Variants in PARD3 observed in about 807,000 individuals in gnomAD.
PARD3 encodes the protein partitioning defective 3 homolog.
A neutral mutation model predicts 155.4 loss-of-function variants in PARD3; 75 were observed. That is an observed-to-expected ratio of 0.48 (90% confidence interval 0.40 to 0.58). The LOEUF is 0.58. Among genes scored for constraint, PARD3 ranks in the 20% least tolerant of loss-of-function variants. The pLI, the probability that PARD3 is intolerant of heterozygous loss-of-function variation, is 0.00. For missense variants in PARD3, 1,642 were observed against 1,721.7 expected (o/e 0.95, Z 0.82); for synonymous variants, 576 against 610.5 (o/e 0.94, Z 0.83).
intron 1 of PARD3, among the ~76,000 whole-genome samples, chr10:34,798,683 G>A (rs1462652167): frequency 1.4e-5 from 2 of 143,434 alleles, no homozygotes; most frequent in Non-Finnish European, 3.0e-5. Context: ...CCAGACTGGG[G>A]AACAGAGTGA....
chr10:34,270,799 G>C (rs1955577343), intron 21 of PARD3, among the ~76,000 whole-genome samples: 1 of 152,138 alleles, frequency 6.6e-6, no homozygotes, highest in South Asian at 2.1e-4. Flanking sequence ...TAGAAGGCAT[G>C]TATCCAATCA....
At chr10:34,284,371 G>A (rs1589050423) in intron 20 of PARD3, 126 bp from the exon 21 acceptor site, 3 of 568,972 alleles carry the variant, frequency 5.3e-6, no homozygotes, top group East Asian at 6.2e-5. Flanking sequence ...GGTGTCTTCT[G>A]CAGTCAGTAG....
chr10:34,376,149 C>A (rs1841213090), intron 10 of PARD3, among the ~76,000 whole-genome samples: 1 of 152,014 alleles, frequency 6.6e-6, no homozygotes, highest in African/African-American at 2.4e-5. Context: ...ACGTAAGTAT[C>A]AATATTGTAT....
chr10:34,378,638 G>A (rs1000978391), intron 9 of PARD3, among the ~76,000 whole-genome samples: 10 of 152,136 alleles, frequency 6.6e-5, no homozygotes, highest in African/African-American at 2.2e-4. Context: ...AGTTTACTAA[G>A]AGGATAAACC....
chr10:34,762,431 C>G lies in PARD3; in HGVS notation c.120+52445G>C, dbSNP rs1590997389. 3.3e-5 allele frequency among the ~76,000 whole-genome samples: 5 copies of G among 150,972 alleles called. 1 individual carries two copies. The highest frequency in any genetic ancestry group is 1.2e-4 in the African/African-American group (5 of 41,046). On this transcript the variant is annotated intron_variant, in intron 1 of 24. Transcript: ENST00000374788. ...ACCTCAGCCTTCCTCCCATCCCAGCCTTCAGCTGGGAACACAGACACATGC... is the reference window on the plus strand; with the variant it reads ...ACCTCAGCCTTCCTCCCATCCCAGCGTTCAGCTGGGAACACAGACACATGC...
At chr10:34,244,732 G>C (rs1953832623) in intron 22 of PARD3, among the ~76,000 whole-genome samples, 1 of 152,064 alleles carries the variant, frequency 6.6e-6, no homozygotes, top group African/African-American at 2.4e-5. Flanking sequence ...GCTATATAAA[G>C]GAATCTTCTT....
intron 5 of PARD3, among the ~76,000 whole-genome samples, chr10:34,435,658 G>GAAGACCACATTCATTCACAA (rs2076150975): frequency 6.6e-6 from 1 of 152,180 alleles, no homozygotes; most frequent in South Asian, 2.1e-4. Context: ...CGTTTGGCAA[G>GAAGACCACATTCATTCACAA]AAGACCACAT....
intron 14 of PARD3, among the ~76,000 whole-genome samples, chr10:34,358,699 AAAAG>A (rs1023309688): frequency 1.3e-5 from 2 of 152,216 alleles, no homozygotes; most frequent in African/African-American, 4.8e-5. Context: ...TCTCAAATAA[AAAAG>A]AAAGGACAGG....
chr10:34,427,930 C>A (rs2075705192), intron 5 of PARD3, among the ~76,000 whole-genome samples: 1 of 152,092 alleles, frequency 6.6e-6, no homozygotes, highest in Admixed American at 6.6e-5. Flanking sequence ...CACACCATAT[C>A]ACCATGTAGA....
At chr10:34,551,808 T>C (rs754734269) in intron 2 of PARD3, among the ~76,000 whole-genome samples, 13 of 152,108 alleles carry the variant, frequency 8.5e-5, no homozygotes, top group South Asian at 2.1e-4. Context: ...AAGCAGAGCA[T>C]TGGATGACAC....
intron 21 of PARD3, among the ~76,000 whole-genome samples, chr10:34,278,667 T>C (rs1428098434): frequency 1.3e-5 from 2 of 152,146 alleles, no homozygotes; most frequent in East Asian, 1.9e-4. Flanking sequence ...AAGGACGTGT[T>C]TGCTTCCCAT....
Position 34,148,558 on chromosome 10 carries a change from A to G in PARD3, c.3420-16975T>C, listed in dbSNP as rs142323741. On this transcript the variant is annotated intron_variant, in intron 22 of 24. Transcript: ENST00000374788. ...ACGTTATTTTGTTTTGACATTAAAA[A>G]TGCCATCTCTGTGGTCTCAGTGCAA... Among the ~76,000 whole-genome samples the G allele has an allele frequency of 2.8e-4, 42 of 152,278 alleles. 2 individuals carry two copies. The East Asian group carries it at 7.7e-3, about 28-fold the overall frequency.
intron 22 of PARD3, among the ~76,000 whole-genome samples, chr10:34,147,043 A>G (rs1948544023): frequency 6.6e-6 from 1 of 152,168 alleles, no homozygotes; most frequent in Non-Finnish European, 1.5e-5. Flanking sequence ...CCTTCTAGAA[A>G]GTAATAAAGG....
At chr10:34,508,262 T>A (rs562681938) in intron 3 of PARD3, among the ~76,000 whole-genome samples, 1 of 152,138 alleles carries the variant, frequency 6.6e-6, no homozygotes, top group South Asian at 2.1e-4. Context: ...ACATAGCTAA[T>A]AAAAAGTTAA....
At chr10:34,475,840 T>C (rs773996) in intron 3 of PARD3, among the ~76,000 whole-genome samples, 78,308 of 151,984 alleles carry the variant, frequency 0.52, 23,786 homozygotes, top group African/African-American at 0.86. Context: ...TGCCTTACAG[T>C]GACAGGCTTG....
intron 5 of PARD3, among the ~76,000 whole-genome samples, chr10:34,413,138 T>TACACACACACAC (rs879785568): frequency 4.3e-4 from 40 of 93,604 alleles, no homozygotes; most frequent in Admixed American, 1.3e-3. Context: ...GTACTTCAGA[T>TACACACACACAC]ATATATACAC....
At chr10:34,465,550 G>C (rs1219888069) in intron 4 of PARD3, among the ~76,000 whole-genome samples, 1 of 152,150 alleles carries the variant, frequency 6.6e-6, no homozygotes, top group East Asian at 1.9e-4. Context: ...CAAGGGGTAA[G>C]AAACATTGCA....
intron 1 of PARD3, among the ~76,000 whole-genome samples, chr10:34,717,089 A>T (rs1006569486): frequency 3.3e-5 from 5 of 152,184 alleles, no homozygotes; most frequent in Admixed American, 6.5e-5. Context: ...AGACATACAG[A>T]TAAATTGTGT....
intron 22 of PARD3, among the ~76,000 whole-genome samples, chr10:34,187,329 T>C (rs572188228): frequency 6.6e-6 from 1 of 152,152 alleles, no homozygotes; most frequent in South Asian, 2.1e-4. Context: ...CATTTAAAAT[T>C]TCCATCTGTT....
Sources: allele counts gnomAD v4.1 joint callset (sites outside exome capture counted in the v4.1 genomes callset), GRCh38; gene constraint gnomAD v4.1.1; transcripts MANE v1.5; gene names NCBI Gene and HGNC (gene_info 2026-07-23, HGNC 2026-07-21).